PPTC7: variants seen among roughly 807,000 people sequenced by gnomAD.
PPTC7 encodes protein phosphatase targeting COQ7.
A neutral mutation model predicts 30.8 loss-of-function variants in PPTC7; 6 were observed. That is an observed-to-expected ratio of 0.19 (90% CI 0.11 to 0.38). The LOEUF (loss-of-function observed/expected upper bound fraction) is 0.38, where lower values mean the gene tolerates loss of function less well. Among genes scored for constraint, PPTC7 ranks in the 10% least tolerant of loss-of-function variants. The pLI is 1.00. For missense variants in PPTC7, 218 were observed against 404.8 expected, an observed-to-expected ratio of 0.54 and a Z score of 3.96; for synonymous variants, 163 against 168.1, an observed-to-expected ratio of 0.97 and a Z score of 0.23.
chr12:110,580,877 G>A (rs2064631224), intron 1 of PPTC7, among the ~76,000 whole-genome samples: 2 of 152,094 alleles, frequency 1.3e-5, no homozygotes, highest in Middle Eastern at 6.8e-3. Flanking sequence ...TCAGCCTGTT[G>A]AGTAGCTGGG....
chr12:110,549,190 T>C (rs566456149), intron 2 of PPTC7, among the ~76,000 whole-genome samples: 4 of 152,316 alleles, frequency 2.6e-5, no homozygotes, highest in Admixed American at 1.3e-4. Flanking sequence ...CTTAAGATAC[T>C]CTGGCTGCTT....
At chr12:110,569,649 GTCTTCATTCACT>G (rs2064516411) in intron 1 of PPTC7, among the ~76,000 whole-genome samples, 1 of 152,176 alleles carries the variant, frequency 6.6e-6, no homozygotes, top group Non-Finnish European at 1.5e-5. Flanking sequence ...AGGCTATCCT[GTCTTCATTCACT>G]TAGGAAAAGA....
intron 1 of PPTC7, among the ~76,000 whole-genome samples, chr12:110,569,782 T>C (rs1393884759): frequency 6.6e-6 from 1 of 152,258 alleles, no homozygotes; most frequent in Non-Finnish European, 1.5e-5. Context: ...TTATCTCTTG[T>C]CCTTATTGCA....
At chr12:110,550,816 C>T (rs1258659597) in intron 2 of PPTC7, among the ~76,000 whole-genome samples, 1 of 152,222 alleles carries the variant, frequency 6.6e-6, no homozygotes, top group African/African-American at 2.4e-5. Flanking sequence ...GACTAATCAC[C>T]TGTTAGCAGT....
At chr12:110,582,626 G>A (rs1415577647) in intron 1 of PPTC7, among the ~76,000 whole-genome samples, 183 bp downstream of exon 1, 1 of 152,212 alleles carries the variant, frequency 6.6e-6, no homozygotes, top group East Asian at 1.9e-4. Flanking sequence ...CTAAAATGGG[G>A]GTCGTTCAAG....
At chr12:110,569,034 C>T (rs1006126315) in intron 1 of PPTC7, among the ~76,000 whole-genome samples, 19 of 28,582 alleles carry the variant, frequency 6.6e-4, no homozygotes, top group African/African-American at 1.2e-3. Flanking sequence ...CTGTCCCCGC[C>T]CCCCCCCCTC....
intron 1 of PPTC7, among the ~76,000 whole-genome samples, chr12:110,566,098 T>C (rs1208715678): frequency 6.6e-6 from 1 of 152,150 alleles, no homozygotes. Context: ...TCTATTACAT[T>C]CATGCCAGGA....
intron 1 of PPTC7, among the ~76,000 whole-genome samples, chr12:110,557,510 C>T (rs1239301804): frequency 1.3e-5 from 2 of 152,092 alleles, no homozygotes; most frequent in Middle Eastern, 3.2e-3. Context: ...AACTTCTGGG[C>T]TCAAGCAATC....
At chr12:110,559,536 T>A (rs1031017875) in intron 1 of PPTC7, among the ~76,000 whole-genome samples, 4 of 151,136 alleles carry the variant, frequency 2.6e-5, no homozygotes, top group Non-Finnish European at 1.5e-5. Flanking sequence ...GACCAGCCTG[T>A]CCAACATGGT....
chr12:110,538,381 A>G (rs1449153934), intron 4 of PPTC7, 108 bp from the exon 5 acceptor site: 1 of 1,045,410 alleles, frequency 9.6e-7, no homozygotes, highest in Non-Finnish European at 1.4e-6. Context: ...AAAAGACATT[A>G]AAACATCATG....
chr12:110,550,223 ATTTTTTTTTTTT>A (rs796973487), intron 2 of PPTC7, among the ~76,000 whole-genome samples: 3 of 103,030 alleles, frequency 2.9e-5, no homozygotes, highest in Non-Finnish European at 4.0e-5. Flanking sequence ...ACAGGGGCTG[ATTTTTTTTTTTT>A]TTTTTTTTTT....
At chr12:110,580,578 G>A (rs1166241875) in intron 1 of PPTC7, among the ~76,000 whole-genome samples, 3 of 152,208 alleles carry the variant, frequency 2.0e-5, no homozygotes, top group Admixed American at 2.0e-4. Context: ...AACCTCAGGT[G>A]ATCCGCCCAC....
At chr12:110,558,942 AAGC>A (rs1457425209) in intron 1 of PPTC7, among the ~76,000 whole-genome samples, 1 of 152,164 alleles carries the variant, frequency 6.6e-6, no homozygotes, top group African/African-American at 2.4e-5. Flanking sequence ...CAGTTTTATG[AAGC>A]AAAACGAGCA....
At chr12:110,539,257 A>T (rs1460110334) in intron 4 of PPTC7, among the ~76,000 whole-genome samples, 1 of 152,194 alleles carries the variant, frequency 6.6e-6, no homozygotes, top group Non-Finnish European at 1.5e-5. Context: ...ATAAATAATA[A>T]AAAAAAGAAA....
chr12:110,540,876 C>T (rs533570447), intron 3 of PPTC7, among the ~76,000 whole-genome samples: 20 of 151,494 alleles, frequency 1.3e-4, no homozygotes, highest in Middle Eastern at 6.8e-3. Context: ...CCTGGGTTCA[C>T]GCCATTCTCC....
chr12:110,537,153 G>T, intron 5 of PPTC7, 58 bp from the exon 6 acceptor site: 1 of 1,388,516 alleles, frequency 7.2e-7, no homozygotes, highest in South Asian at 1.2e-5. Flanking sequence ...AATAAAAAAT[G>T]TGTACTTAAA....
At chr12:110,564,769 C>T (rs1386298016) in intron 1 of PPTC7, among the ~76,000 whole-genome samples, 1 of 136,290 alleles carries the variant, frequency 7.3e-6, no homozygotes, top group Non-Finnish European at 1.5e-5. Context: ...TATATATACA[C>T]GTATATATAT....
chr12:110,545,881 T>A lies in PPTC7; in HGVS notation c.601A>T (p.Ser201Cys), dbSNP rs1487880931. 6.2e-7 allele frequency: 1 copy of A among 1,613,166 alleles called. No homozygotes were observed. The change falls in exon 3 of 6, where the codon AGT becomes TGT. Residue 201 changes from serine (S) to cysteine (C), a missense_variant and splice_region_variant. Coordinates refer to ENST00000354300, the MANE Select transcript of PPTC7 (RefSeq NM_139283.2). ...TTAATGGCTGAGAGGGGAGATTACCTGTCGCTCAAGACGACTCCCTCGGCT... is the reference window on the plus strand; with the variant it reads ...TTAATGGCTGAGAGGGGAGATTACCAGTCGCTCAAGACGACTCCCTCGGCT... ...PEAEGVVLSD[S>C]PDAADSTSFD...
At chr12:110,564,860 A>G (rs1038448024) in intron 1 of PPTC7, among the ~76,000 whole-genome samples, 3 of 139,728 alleles carry the variant, frequency 2.1e-5, no homozygotes, top group Non-Finnish European at 3.1e-5. Flanking sequence ...ACGTATATGT[A>G]TATGTGTATA....
Sources: allele counts gnomAD v4.1 joint callset (sites outside exome capture counted in the v4.1 genomes callset), GRCh38; gene constraint gnomAD v4.1.1; transcripts MANE v1.5; gene names NCBI Gene and HGNC (gene_info 2026-07-23, HGNC 2026-07-21).